Variants in MINDY4B observed in about 807,000 individuals in gnomAD.
The protein encoded by MINDY4B is inactive ubiquitin carboxyl-terminal hydrolase MINDY-4B.
Under a neutral mutation model 16.7 loss-of-function variants are expected in MINDY4B, and 25 were observed. The ratio of observed to expected loss-of-function variants is 1.49; its 90% CI spans 1.09 to 2.09. The LOEUF (loss-of-function observed/expected upper bound fraction) is 2.09, where lower values mean the gene tolerates loss of function less well. Among genes scored for constraint, MINDY4B ranks in the 30% most tolerant of loss-of-function variants. MINDY4B has a pLI of 0.00. For synonymous variants in MINDY4B, 132 were observed against 61.9 expected, an observed-to-expected ratio of 2.13 and a Z score of -5.32; for missense variants, 327 against 168.4, an observed-to-expected ratio of 1.94 and a Z score of -5.21.
intron 7 of MINDY4B, among the ~76,000 whole-genome samples, chr3:150,886,942 T>C (rs1326806064): frequency 1.3e-5 from 2 of 152,202 alleles, no homozygotes; most frequent in Non-Finnish European, 2.9e-5. Flanking sequence ...TAAGTTCCAT[T>C]ATCCAGTGGA....
rs1196366274 is a variant in MINDY4B, at chr3:150,894,204, G to A, written c.411C>T (p.Phe137=). ...CTATTACCTTTCCCACTTCCAGAGT[G>A]AAAGCTAGTTCAGAAGAAGGATCAT... is the stretch of plus-strand genomic sequence containing the variant. The part of the protein sequence containing the change: ...RFHDPSSELA[F]TLEVGKGGAR... Residue 137 remains phenylalanine (F), a synonymous_variant, in exon 4 of 12, where the codon TTC becomes TTT. Coordinates refer to ENST00000465419, the MANE Select transcript of MINDY4B (RefSeq NM_001351281.2). The A allele has an allele frequency of 1.4e-6, 1 of 698,768 alleles. No homozygotes were observed. Among genetic ancestry groups the A allele is most frequent in the South Asian group, 1.5e-5 (1 of 66,474 alleles). 43.3% of individuals were successfully genotyped at this position (698,768 alleles called of 1,614,324 possible).
intron 3 of MINDY4B, among the ~76,000 whole-genome samples, chr3:150,896,914 A>G (rs1399540394): frequency 1.3e-5 from 2 of 152,246 alleles, no homozygotes; most frequent in African/African-American, 4.8e-5. Flanking sequence ...TTTGCCACAC[A>G]TGATAAAAAT....
At chr3:150,878,836 G>A (rs751498849) in intron 10 of MINDY4B, among the ~76,000 whole-genome samples, 6 of 152,250 alleles carry the variant, frequency 3.9e-5, no homozygotes, top group East Asian at 3.9e-4. Flanking sequence ...TTTATCATTG[G>A]TGGATATTTT....
Position 150,885,410 on chromosome 3 carries a change from A to T in MINDY4B, c.782T>A (p.Ile261Asn), listed in dbSNP as rs1291596398. ...GAAGATCAGGCTGTACAGAAACAGG[A>T]TGACACCATGGCTTCCTTCCCCTCT... ...CFRGEGSHGV[I>N]LFLYSLIFSR... The change falls in exon 8 of 12, where the codon ATC (isoleucine) becomes AAC (asparagine). Residue 261 changes from isoleucine to asparagine, a missense_variant. Coordinates refer to ENST00000465419, the MANE Select transcript of MINDY4B (RefSeq NM_001351281.2). 6 of 702,698 alleles carry T rather than the reference A, an allele frequency of 8.5e-6. No homozygotes were observed. The allele number at this position is 702,698 out of a possible 1,614,324, so 43.5% of individuals were successfully genotyped here. A position where few individuals can be genotyped will look rare whatever the true frequency, so the allele number is the denominator to read the frequency against.
intron 3 of MINDY4B, among the ~76,000 whole-genome samples, chr3:150,900,250 G>C (rs1048560129): frequency 1.3e-5 from 2 of 152,208 alleles, no homozygotes; most frequent in Admixed American, 6.5e-5. Flanking sequence ...AGAAACAGGA[G>C]AGCTAAGGAA....
intron 5 of MINDY4B, among the ~76,000 whole-genome samples, chr3:150,892,612 T>C (rs1055245326): frequency 1.3e-5 from 2 of 152,030 alleles, no homozygotes; most frequent in Non-Finnish European, 2.9e-5. Flanking sequence ...TCTTTAAAAA[T>C]AGGCAAAAAC....
chr3:150,896,876 T>C (rs1159555656), intron 3 of MINDY4B, among the ~76,000 whole-genome samples: 1 of 152,194 alleles, frequency 6.6e-6, no homozygotes, highest in Admixed American at 6.5e-5. Flanking sequence ...ACACTTTACA[T>C]AACTTCCTTC....
chr3:150,874,475 C>G (rs1054005400), intron 10 of MINDY4B, among the ~76,000 whole-genome samples: 1 of 152,216 alleles, frequency 6.6e-6, no homozygotes, highest in Non-Finnish European at 1.5e-5. Flanking sequence ...TTTTTAAAGG[C>G]TTTCCATCAA....
Position 150,882,936 on chromosome 3 carries a change from C to T in MINDY4B, c.1020G>A (p.Gln340=), listed in dbSNP as rs1453596242. The T allele has an allele frequency of 2.8e-6, 2 of 702,806 alleles. No homozygotes were observed. The highest frequency in any genetic ancestry group is 1.5e-5 in the South Asian group (1 of 67,582). The allele number at this position is 702,806 out of a possible 1,614,324, so 43.5% of individuals were successfully genotyped here. ...CATCTTCCGAGGCATCCTTACCCCACTGCAAATAGCCAACATCACTGCGGG... is the reference window on the plus strand; with the variant it reads ...CATCTTCCGAGGCATCCTTACCCCATTGCAAATAGCCAACATCACTGCGGG... ...VLTRSDVGYL[Q]WGKDASEDDR... Residue 340 remains glutamine (Q), a synonymous_variant, in exon 10 of 12, where the codon CAG becomes CAA. Coordinates refer to ENST00000465419, the MANE Select transcript of MINDY4B (RefSeq NM_001351281.2).
rs1712162038 is a variant in MINDY4B at position 150,903,420 on chromosome 3, T to C, written c.142-4A>G. ...ATGTATGGTTGCCTTCATGATTCTG[T>C]GCAAATATCACCCCCACAAAAGACA... is the stretch of plus-strand genomic sequence containing the variant. On this transcript the variant is annotated splice_region_variant and splice_polypyrimidine_tract_variant and intron_variant, in intron 2 of 11. Transcript: ENST00000465419. The C allele has an allele frequency of 5.0e-6, 2 of 398,512 alleles. No individual in the cohort carries two copies. The highest frequency in any genetic ancestry group is 8.9e-6 in the Non-Finnish European group (2 of 225,986). The allele number at this position is 398,512 out of a possible 1,614,324, so 24.7% of individuals were successfully genotyped here.
chr3:150,893,412 C>T lies in MINDY4B; in HGVS notation c.433G>A (p.Gly145Arg), dbSNP rs940431709. The T allele has an allele frequency of 2.1e-5, 15 of 702,618 alleles. No homozygotes were observed. Among genetic ancestry groups the T allele is most frequent in the Non-Finnish European group, 3.9e-5 (15 of 384,828 alleles). The allele number at this position is 702,618 out of a possible 1,614,324, so 43.5% of individuals were successfully genotyped here. ...ACAGCCATCTGAATGCTTCGGGCCC[C>T]TCCCTGAAATGAGGAGAATGAATGA... ...LAFTLEVGKG[G>R]ARSIQMAVQG... Residue 145 changes from glycine to arginine, a missense_variant, in exon 5 of 12, where the codon GGG (glycine) becomes AGG (arginine). Physicochemically the swap from Gly to Arg is moderately radical, Grantham distance 125. Coordinates refer to ENST00000465419, the MANE Select transcript of MINDY4B (RefSeq NM_001351281.2).
At chr3:150,886,007 C>T (rs1161162468) in intron 7 of MINDY4B, among the ~76,000 whole-genome samples, 2 of 152,288 alleles carry the variant, frequency 1.3e-5, no homozygotes, top group East Asian at 3.9e-4. Flanking sequence ...TTTGAACCTT[C>T]CTTGGTTCTT....
Position 150,883,541 on chromosome 3 carries a change from C to T in MINDY4B, c.897+159G>A, listed in dbSNP as rs1711558905. Among the ~76,000 whole-genome samples, 3 of 152,166 alleles carry T rather than the reference C, an allele frequency of 2.0e-5. 1 individual carries two copies. The South Asian group carries it at 6.3e-4, about 32-fold the overall frequency. On this transcript the variant is annotated intron_variant, in intron 9 of 11. Transcript: ENST00000465419. ...CCAGGGTAGTGTCTTCATACTCTTT[C>T]AAAGATAACCGGATTGCTCTTTACT...
chr3:150,891,293 G>A (rs1711798300), intron 5 of MINDY4B, 190 bp from the exon 6 acceptor site: 2 of 572,972 alleles, frequency 3.5e-6, no homozygotes, highest in Admixed American at 6.0e-5. Flanking sequence ...GGTCTGTCTA[G>A]CCTTCCCAAG....
At chr3:150,874,499 T>C (rs535306547) in intron 10 of MINDY4B, among the ~76,000 whole-genome samples, 2 of 152,054 alleles carry the variant, frequency 1.3e-5, no homozygotes, top group South Asian at 2.1e-4. Context: ...TTATTGAAAC[T>C]GTTTTTAAAA....
rs139600589 is a variant in MINDY4B, at chr3:150,898,483, C to T, written c.310-4178G>A. On this transcript the variant is annotated intron_variant, in intron 3 of 11. Transcript: ENST00000465419. ...GTTCTCTCTGGCCAGGCCCCGTTGG[C>T]CAGTGTGACAAAGATGACCCAACTT... Among the ~76,000 whole-genome samples, 55 of 152,266 alleles carry T rather than the reference C, an allele frequency of 3.6e-4. No individual in the cohort carries two copies. The East Asian group carries it at 0.01, about 29-fold the overall frequency.
At position 150,885,355 on chromosome 3, in the gene MINDY4B, C is replaced by A; in HGVS notation, c.824+13G>T. On this transcript the variant is annotated intron_variant, in intron 8 of 11. Coordinates refer to ENST00000465419, the MANE Select transcript of MINDY4B (RefSeq NM_001351281.2). The stretch of plus-strand genomic sequence containing the variant: ...CTATAGAAAATACCTGTGTAAACAT[C>A]TGTAGAATTTACCTTTCAAATGTTC... 1.4e-6 allele frequency: 1 copy of A among 702,634 alleles called. No individual in the cohort carries two copies. The highest frequency in any genetic ancestry group is 2.6e-6 in the Non-Finnish European group (1 of 384,784). 43.5% of individuals were successfully genotyped at this position (702,634 alleles called of 1,614,324 possible).
chr3:150,876,893 T>C (rs1253590268), intron 10 of MINDY4B, among the ~76,000 whole-genome samples: 1 of 152,164 alleles, frequency 6.6e-6, no homozygotes, highest in East Asian at 1.9e-4. Context: ...ACTTAGGTAT[T>C]GGAACCTCAC....
chr3:150,882,260 C>T (rs639693), intron 10 of MINDY4B, among the ~76,000 whole-genome samples: 117,232 of 152,098 alleles, frequency 0.77, 45,577 homozygotes, highest in Non-Finnish European at 0.81. Context: ...TGTTTGTTTT[C>T]GCAGAATCAC....
Sources: allele counts gnomAD v4.1 joint callset (sites outside exome capture counted in the v4.1 genomes callset), GRCh38; gene constraint gnomAD v4.1.1; transcripts MANE v1.5; gene names NCBI Gene and HGNC (gene_info 2026-07-23, HGNC 2026-07-21).